DAGLB: variants seen among roughly 807,000 people sequenced by gnomAD.
DAGLB encodes the protein diacylglycerol lipase beta.
In DAGLB, 66 loss-of-function variants were observed where a neutral mutation model predicts 72.1. That is an observed-to-expected ratio of 0.92 (90% CI 0.75 to 1.12). DAGLB has a LOEUF of 1.12. Among genes scored for constraint, DAGLB ranks in the 50% most tolerant of loss-of-function variants. The pLI, the probability that DAGLB is intolerant of heterozygous loss-of-function variation, is 0.00. For synonymous variants in DAGLB, 414 were observed against 359.5 expected (o/e 1.15, Z -1.71); for missense variants, 1,065 against 884.9 (o/e 1.20, Z -2.58).
chr7:6,422,040 T>A, intron 8 of DAGLB: 1 of 641,502 alleles, frequency 1.6e-6, no homozygotes. Context: ...GACCATGGAG[T>A]GTGCCTAAGA....
chr7:6,443,243 C>A, intron 2 of DAGLB, among the ~76,000 whole-genome samples: 1 of 93,142 alleles, frequency 1.1e-5, no homozygotes. Context: ...AAAACTTTGT[C>A]TCTACTAAAA....
In DAGLB at chr7:6,447,736, C is replaced by G; in HGVS notation, c.95+12G>C. The stretch of plus-strand genomic sequence containing the variant: ...CGGTGGGCTCCACCGCCCCCGTAGC[C>G]GCCGTCCTTACCACAGCACTCGCAC... On this transcript the variant is annotated intron_variant, in intron 1 of 14. Transcript: ENST00000297056. The G allele has an allele frequency of 6.2e-7, 1 of 1,610,542 alleles. No homozygotes were observed. Among genetic ancestry groups the G allele is most frequent in the Non-Finnish European group, 8.5e-7 (1 of 1,178,640 alleles).
chr7:6,412,194 G>A (rs758767639), intron 13 of DAGLB, among the ~76,000 whole-genome samples: 6 of 152,154 alleles, frequency 3.9e-5, no homozygotes, highest in Non-Finnish European at 8.8e-5. Context: ...GATTACAAGC[G>A]TGACCCACCG....
intron 8 of DAGLB, chr7:6,422,507 A>G (rs1038967578): frequency 1.9e-5 from 3 of 156,402 alleles, no homozygotes; most frequent in Non-Finnish European, 2.8e-5. Context: ...AAGCACCCAG[A>G]GCTGTGATAA....
intron 6 of DAGLB, among the ~76,000 whole-genome samples, chr7:6,429,113 A>G (rs1360487010): frequency 1.3e-5 from 2 of 152,072 alleles, no homozygotes; most frequent in Non-Finnish European, 2.9e-5. Context: ...CTGGGACAAG[A>G]TATTTAAATG....
chr7:6,411,831 C>A (rs550458924), intron 13 of DAGLB, among the ~76,000 whole-genome samples: 8 of 152,256 alleles, frequency 5.3e-5, no homozygotes, highest in South Asian at 2.1e-4. Context: ...CTCCTTGTCC[C>A]CACTCTCTGC....
rs1460489544 is a variant in DAGLB, at chr7:6,447,810, C to T, written c.33G>A (p.Trp11Ter). 5 of 1,613,062 alleles carry T rather than the reference C, an allele frequency of 3.1e-6. No individual in the cohort carries two copies. Among genetic ancestry groups the T allele is most frequent in the Non-Finnish European group, 4.2e-6 (5 of 1,179,702 alleles). Residue 11 changes from tryptophan to a stop codon, truncating the protein, a stop_gained, in exon 1 of 15, where the codon TGG becomes TGA. Coordinates refer to ENST00000297056, the MANE Select transcript of DAGLB (RefSeq NM_139179.4). LOFTEE classifies it high-confidence loss of function. MPGMVLFGRR[W>*]AIASDDLVFP... ...AGACCAAGTCGTCGCTGGCGATGGC[C>T]CAGCGCCGGCCGAAGAGTACCATCC... is the stretch of plus-strand genomic sequence containing the variant.
chr7:6,420,689 C>A (rs117781377), intron 9 of DAGLB, among the ~76,000 whole-genome samples: 2,042 of 151,398 alleles, frequency 0.013, 13 homozygotes, highest in Non-Finnish European at 0.022. Context: ...TAACGACCAA[C>A]GAACAGTGAA....
chr7:6,413,623 C>A (rs1451023711), intron 11 of DAGLB, among the ~76,000 whole-genome samples: 3 of 150,460 alleles, frequency 2.0e-5, no homozygotes, highest in African/African-American at 7.4e-5. Flanking sequence ...GAGCGAGACT[C>A]CATCTCAAAA....
chr7:6,425,726 C>G (rs1784289458), intron 7 of DAGLB, among the ~76,000 whole-genome samples: 1 of 152,320 alleles, frequency 6.6e-6, no homozygotes, highest in African/African-American at 2.4e-5. Context: ...CACTCCTCAA[C>G]AGAAGGGCGA....
rs75311163 is a variant in DAGLB at position 6,427,564 on chromosome 7, G to A, written c.930-1450C>T. 7.7e-3 allele frequency among the ~76,000 whole-genome samples: 1,167 copies of A among 152,180 alleles called. 12 individuals are homozygous for A. The highest frequency in any genetic ancestry group is 0.026 in the African/African-American group (1,093 of 41,512). Reference sequence around the variant, plus strand: ...TCCCAGCTACTTGGGAGGCTGAGGTGAGAGAACCCCGTCTCTTAAAAGACA... The same window carrying A: ...TCCCAGCTACTTGGGAGGCTGAGGTAAGAGAACCCCGTCTCTTAAAAGACA... On this transcript the variant is annotated intron_variant, in intron 6 of 14. Transcript: ENST00000297056.
In DAGLB at chr7:6,421,715, C is replaced by T. The variant is rs1784130752; in HGVS notation, c.1218+12G>A. ...GCATTCACAGGCAAGACACACGAGT[C>T]CGCGCTCATACCTTGTGTGCCAGGC... On this transcript the variant is annotated intron_variant, in intron 9 of 14. Transcript: ENST00000297056. 2 of 1,600,122 alleles carry T rather than the reference C, an allele frequency of 1.2e-6. No individual in the cohort carries two copies. Among genetic ancestry groups the T allele is most frequent in the Admixed American group, 1.7e-5 (1 of 59,492 alleles).
rs143662490 is a variant in DAGLB at position 6,444,399 on chromosome 7, C to T, written c.247+1554G>A. On this transcript the variant is annotated intron_variant, in intron 2 of 14. Coordinates refer to ENST00000297056, the MANE Select transcript of DAGLB (RefSeq NM_139179.4). ...GGTGGATCACGTGAGGTCAGGAGAT[C>T]GAGACAAGCCTGACCAACATGGTAA... Among the ~76,000 whole-genome samples the T allele has an allele frequency of 2.0e-3, 308 of 152,158 alleles. 2 individuals are homozygous for T. Among genetic ancestry groups the T allele is most frequent in the African/African-American group, 7.0e-3 (289 of 41,514 alleles).
In DAGLB at chr7:6,421,739, G is replaced by T; in HGVS notation, c.1206C>A (p.Arg402=). ...VLDVECEVQD[R]LAHKGISQAA... ...TCCGCGCTCATACCTTGTGTGCCAG[G>T]CGGTCCTGCACCTCACACTCCACGT... The change falls in exon 9 of 15, where the codon CGC becomes CGA. Residue 402 remains arginine, a synonymous_variant. Coordinates refer to ENST00000297056, the MANE Select transcript of DAGLB (RefSeq NM_139179.4). 1 of 1,610,970 alleles carries T rather than the reference G, an allele frequency of 6.2e-7. No individual in the cohort carries two copies. Among genetic ancestry groups the T allele is most frequent in the Non-Finnish European group, 8.5e-7 (1 of 1,177,780 alleles).
chr7:6,431,498 G>A (rs1784487411), intron 5 of DAGLB, among the ~76,000 whole-genome samples: 1 of 152,208 alleles, frequency 6.6e-6, no homozygotes, highest in African/African-American at 2.4e-5. Flanking sequence ...GTGGCCGGAT[G>A]CAGTGGCTCA....
chr7:6,446,259 G>C (rs1035744247), intron 1 of DAGLB, among the ~76,000 whole-genome samples, 155 bp from the exon 2 acceptor site: 49 of 150,184 alleles, frequency 3.3e-4, no homozygotes, highest in Non-Finnish European at 5.2e-4. Flanking sequence ...ACAAGGTCAG[G>C]AGATCGAGAC....
chr7:6,413,002 A>AT lies in DAGLB; in HGVS notation c.1459dup (p.Ile487AsnfsTer35). Reference sequence around the variant, plus strand: ...ATCCTTCCCCAGGACGAGTGACACGATGAAGCTCTGAGAATATTCCTGCAG... The same window carrying AT: ...ATCCTTCCCCAGGACGAGTGACACGATTGAAGCTCTGAGAATATTCCTGCAG... On this transcript the variant is annotated frameshift_variant, in exon 12 of 15. Coordinates refer to ENST00000297056, the MANE Select transcript of DAGLB (RefSeq NM_139179.4). LOFTEE classifies it high-confidence loss of function. The AT allele has an allele frequency of 1.2e-6, 2 of 1,613,922 alleles. No homozygotes were observed. The highest frequency in any genetic ancestry group is 1.7e-6 in the Non-Finnish European group (2 of 1,179,930).
Position 6,434,010 on chromosome 7 carries a change from G to A in DAGLB, c.678+752C>T, listed in dbSNP as rs576225857. 5.3e-4 allele frequency among the ~76,000 whole-genome samples: 81 copies of A among 152,088 alleles called. 1 individual carries two copies. Among genetic ancestry groups the A allele is most frequent in the Non-Finnish European group, 1.1e-3 (77 of 68,024 alleles). ...GGTTTAAGCACTTCTTTAAGTTACT[G>A]AGGGGACACGCTTCCCTCTTCCCTC... On this transcript the variant is annotated intron_variant, in intron 4 of 14. Transcript: ENST00000297056.
chr7:6,428,816 A>G lies in DAGLB; in HGVS notation c.929+1664T>C, dbSNP rs142240106. Among the ~76,000 whole-genome samples the G allele has an allele frequency of 6.6e-5, 10 of 151,586 alleles. 1 individual carries two copies. Among genetic ancestry groups the G allele is most frequent in the Non-Finnish European group, 1.2e-4 (8 of 67,870 alleles). On this transcript the variant is annotated intron_variant, in intron 6 of 14. Transcript: ENST00000297056. ...ATAGACATATATATTTATTTAATTT[A>G]TTTTTTAAGACAGCGTCTTGCTCTG...
Sources: gnomAD v4.1 joint callset for allele counts (sites outside exome capture counted in the v4.1 genomes callset) on GRCh38, gnomAD v4.1.1 for gene constraint, MANE v1.5 for transcripts, NCBI Gene and HGNC (gene_info 2026-07-23, HGNC 2026-07-21) for gene names.